Variants in NIPBL observed in about 807,000 individuals in gnomAD.
NIPBL encodes nipped-B-like protein.
A neutral mutation model predicts 321.8 loss-of-function variants in NIPBL; 19 were observed. The observed-to-expected ratio is 0.06, with a 90% confidence interval of 0.04 to 0.09. The LOEUF (loss-of-function observed/expected upper bound fraction) is 0.09, where lower values mean the gene tolerates loss of function less well. NIPBL is among the 10% of genes least tolerant of loss of function. NIPBL has a pLI of 1.00. For synonymous variants in NIPBL, 1,106 were observed against 1,114.1 expected, an observed-to-expected ratio of 0.99 and a Z score of 0.14; for missense variants, 2,210 against 3,327.0, an observed-to-expected ratio of 0.66 and a Z score of 8.26.
intron 1 of NIPBL, among the ~76,000 whole-genome samples, chr5:36,891,684 GTTTTA>G (rs777154547): frequency 3.3e-5 from 5 of 152,118 alleles, no homozygotes; most frequent in Non-Finnish European, 7.4e-5. Context: ...AGAATTCTGT[GTTTTA>G]TTTTAAAGAC....
At position 36,996,732 on chromosome 5, in the gene NIPBL, C is replaced by G. The variant is rs1161597436; in HGVS notation, c.3304+928C>G. ...GTGCCAACTGACTTAGTCATAATGA[C>G]CAAAAGAAGTGGGAAGACCACCAGT... On this transcript the variant is annotated intron_variant, in intron 11 of 46. Transcript: ENST00000282516. The surrounding 1 kb of genome is among the most constrained non-coding windows in gnomAD (Gnocchi z 5.0). 2 of 301,824 alleles carry G rather than the reference C, an allele frequency of 6.6e-6. No homozygotes were observed. Among genetic ancestry groups the G allele is most frequent in the Non-Finnish European group, 1.3e-5 (2 of 151,606 alleles). The allele number at this position is 301,824 out of a possible 1,614,324, so 18.7% of individuals were successfully genotyped here.
intron 9 of NIPBL, among the ~76,000 whole-genome samples, chr5:36,980,324 C>T (rs1180888901): frequency 6.6e-6 from 1 of 151,558 alleles, no homozygotes; most frequent in Non-Finnish European, 1.5e-5. Flanking sequence ...TACAGGTATG[C>T]GGTGATAACC....
intron 1 of NIPBL, among the ~76,000 whole-genome samples, chr5:36,948,682 C>T (rs1561064914): frequency 6.6e-6 from 1 of 151,704 alleles, no homozygotes; most frequent in Non-Finnish European, 1.5e-5. Context: ...TAAAAAATAC[C>T]ATGGTGTTTA....
At chr5:36,970,379 T>C (rs1326918733) in intron 6 of NIPBL, among the ~76,000 whole-genome samples, 1 of 145,900 alleles carries the variant, frequency 6.9e-6, no homozygotes, top group Non-Finnish European at 1.5e-5. Flanking sequence ...GAGCTGTCTG[T>C]AAAAAAAATA....
chr5:37,065,077 GA>G lies in NIPBL; in HGVS notation c.*188del, dbSNP rs971066256. 6 of 657,206 alleles carry G rather than the reference GA, an allele frequency of 9.1e-6. No individual in the cohort carries two copies. The highest frequency in any genetic ancestry group is 9.1e-5 in the African/African-American group (5 of 54,982). 40.7% of individuals were successfully genotyped at this position (657,206 alleles called of 1,614,324 possible). The stretch of plus-strand genomic sequence containing the variant: ...GAGCTCCCTTCGCTGTTGTGCAGCA[GA>G]AACAGATTCTCAGTTCATTTTTACT... On this transcript the variant is annotated 3_prime_UTR_variant, in exon 47 of 47. Coordinates refer to ENST00000282516, the MANE Select transcript of NIPBL (RefSeq NM_133433.4).
chr5:36,941,359 T>G lies in NIPBL; in HGVS notation c.-79-12259T>G, dbSNP rs187799033. Among the ~76,000 whole-genome samples, 22 of 152,204 alleles carry G rather than the reference T, an allele frequency of 1.4e-4. No individual in the cohort carries two copies. The East Asian group carries it at 3.5e-3, about 24-fold the overall frequency. ...ACCCCCCAATTTTACTTCACTTTCT[T>G]AAACAACAATAAAAGTCTCCTGTAA... On this transcript the variant is annotated intron_variant, in intron 1 of 46. Transcript: ENST00000282516.
intron 25 of NIPBL, among the ~76,000 whole-genome samples, chr5:37,019,920 A>G (rs1300445203): frequency 6.6e-6 from 1 of 152,234 alleles, no homozygotes; most frequent in Non-Finnish European, 1.5e-5. Context: ...TGGGATATGC[A>G]ATTGAAAGAA....
intron 1 of NIPBL, among the ~76,000 whole-genome samples, chr5:36,911,883 T>C (rs1162299825): frequency 6.6e-6 from 1 of 151,938 alleles, no homozygotes; most frequent in African/African-American, 2.4e-5. Flanking sequence ...TAGAAGTGAG[T>C]AGAGATGTAG....
intron 1 of NIPBL, among the ~76,000 whole-genome samples, chr5:36,919,589 G>GT (rs1294288201): frequency 6.6e-6 from 1 of 152,030 alleles, no homozygotes; most frequent in Non-Finnish European, 1.5e-5. Flanking sequence ...TGTGATGAAG[G>GT]TTACAATGCT....
At chr5:37,053,247 C>G (rs1753758986) in intron 42 of NIPBL, among the ~76,000 whole-genome samples, 1 of 152,084 alleles carries the variant, frequency 6.6e-6, no homozygotes, top group South Asian at 2.1e-4. Context: ...TGTTACTGTA[C>G]TGAATACTGT....
chr5:36,984,905 T>C lies in NIPBL; in HGVS notation c.1725T>C (p.Asp575=), dbSNP rs1265755084. The C allele has an allele frequency of 6.2e-6, 10 of 1,613,892 alleles. No homozygotes were observed. The highest frequency in any genetic ancestry group is 8.5e-6 in the Non-Finnish European group (10 of 1,179,906). Residue 575 remains aspartate, a synonymous_variant, in exon 10 of 47, where the codon GAT becomes GAC. Transcript: ENST00000282516. ...KKPEEIKQCN[D]APVSVLQEDI... is the part of the protein sequence containing the mutation. ...CTGAAGAAATCAAACAATGTAATGA[T>C]GCACCTGTTTCTGTTCTTCAGGAAG... is the stretch of plus-strand genomic sequence containing the variant.
intron 8 of NIPBL, among the ~76,000 whole-genome samples, chr5:36,975,364 T>TA (rs1692826057): frequency 6.6e-6 from 1 of 152,136 alleles, no homozygotes; most frequent in Non-Finnish European, 1.5e-5. Context: ...TACTTATTCT[T>TA]ACTTTAATCA....
chr5:36,995,820 C>T lies in NIPBL; in HGVS notation c.3304+16C>T. ...GCTTTTGAATGTAAGTATCACAGAA[C>T]TCTTTGTTATTATTTTAGAGTTTAA... On this transcript the variant is annotated intron_variant, in intron 11 of 46. Coordinates refer to ENST00000282516, the MANE Select transcript of NIPBL (RefSeq NM_133433.4). 6.3e-7 allele frequency: 1 copy of T among 1,599,954 alleles called. No individual in the cohort carries two copies. Among genetic ancestry groups the T allele is most frequent in the Non-Finnish European group, 8.6e-7 (1 of 1,167,610 alleles).
intron 43 of NIPBL, among the ~76,000 whole-genome samples, chr5:37,057,909 G>A (rs1754272154): frequency 6.6e-6 from 1 of 152,124 alleles, no homozygotes. Context: ...CATATAGTAA[G>A]CACTCAGTAA....
chr5:37,057,482 C>A, intron 43 of NIPBL, 150 bp downstream of exon 43: 1 of 743,774 alleles, frequency 1.3e-6, no homozygotes, highest in Non-Finnish European at 2.2e-6. Context: ...CAATACTTGA[C>A]TTGGGAGAGG....
chr5:37,046,336 T>C, intron 38 of NIPBL, 137 bp downstream of exon 38: 1 of 622,116 alleles, frequency 1.6e-6, no homozygotes, highest in Admixed American at 2.6e-5. Flanking sequence ...AATGTAGGTC[T>C]GAGGATTAAA....
chr5:36,916,732 T>C (rs1204996950), intron 1 of NIPBL, among the ~76,000 whole-genome samples: 2 of 151,890 alleles, frequency 1.3e-5, no homozygotes, highest in African/African-American at 2.4e-5. Context: ...TTCCCACTTA[T>C]GAGTGAGAAC....
intron 6 of NIPBL, among the ~76,000 whole-genome samples, chr5:36,967,239 G>T (rs1410528672): frequency 6.6e-6 from 1 of 152,000 alleles, no homozygotes; most frequent in Non-Finnish European, 1.5e-5. Flanking sequence ...TCAAAATTAA[G>T]ATGAAATAAA....
Position 37,064,661 on chromosome 5 carries a change from G to A in NIPBL, c.8184G>A (p.Val2728=). The A allele has an allele frequency of 1.9e-6, 3 of 1,614,166 alleles. No homozygotes were observed. Among genetic ancestry groups the A allele is most frequent in the Non-Finnish European group, 2.5e-6 (3 of 1,180,028 alleles). The change falls in exon 47 of 47, where the codon GTG becomes GTA. Residue 2728 remains valine (V), a synonymous_variant. Coordinates refer to ENST00000282516, the MANE Select transcript of NIPBL (RefSeq NM_133433.4). ...YKDRPQIARV[V]QKTSSGFSVQ... ...ATCGACCACAAATTGCAAGAGTAGTGCAGAAAACCAGCAGTGGCTTCAGTG... is the reference window on the plus strand; with the variant it reads ...ATCGACCACAAATTGCAAGAGTAGTACAGAAAACCAGCAGTGGCTTCAGTG...
Sources: allele counts gnomAD v4.1 joint callset (sites outside exome capture counted in the v4.1 genomes callset), GRCh38; gene constraint gnomAD v4.1.1; non-coding constraint Gnocchi (gnomAD v3.1); transcripts MANE v1.5; gene names NCBI Gene and HGNC (gene_info 2026-07-23, HGNC 2026-07-21).